CCDC186: variants seen among roughly 807,000 people sequenced by gnomAD.
The protein encoded by CCDC186 is coiled-coil domain containing 186.
CCDC186 carries 49 observed loss-of-function variants against 113.7 expected under a neutral mutation model. That is an observed-to-expected ratio of 0.43 (90% CI 0.34 to 0.55). The LOEUF is 0.55. Ranked by LOEUF, CCDC186 falls within the 20% of genes least tolerant of loss-of-function variation. CCDC186 has a pLI of 0.02. For missense variants in CCDC186, 890 were observed against 1,011.1 expected (o/e 0.88, Z 1.62); for synonymous variants, 355 against 345.8 (o/e 1.03, Z -0.30).
intron 6 of CCDC186, among the ~76,000 whole-genome samples, chr10:114,139,660 T>TA (rs1395731915): frequency 6.6e-6 from 1 of 152,124 alleles, no homozygotes; most frequent in Admixed American, 6.5e-5. Context: ...AAGTTATATA[T>TA]TTTCAGTTGC....
chr10:114,155,057 T>C (rs1228330805), intron 3 of CCDC186, among the ~76,000 whole-genome samples: 2 of 152,186 alleles, frequency 1.3e-5, no homozygotes, highest in Admixed American at 1.3e-4. Context: ...GAAAGATTAC[T>C]TGTTCCCTAG....
chr10:114,136,053 A>C (rs1431671444), intron 8 of CCDC186, 76 bp from the exon 9 acceptor site: 1 of 1,480,338 alleles, frequency 6.8e-7, no homozygotes, highest in Non-Finnish European at 9.4e-7. Flanking sequence ...TGTTCCTTCC[A>C]AAAGGCCTTA....
In CCDC186 at chr10:114,144,554, G is replaced by T. The variant is rs116220761; in HGVS notation, c.1164C>A (p.His388Gln). The change falls in exon 6 of 16, where the codon CAC becomes CAA. Residue 388 changes from histidine to glutamine, a missense_variant. Coordinates refer to ENST00000369287, the MANE Select transcript of CCDC186 (RefSeq NM_018017.4). ...TTTGTGCCCACTTTACTTTGATGAC[G>T]TGAGAGTTAATGTCTTCCTTTAATT... ...IDKLKEDINS[H>Q]VIKVKWAQNK... 2.5e-6 allele frequency: 4 copies of T among 1,612,876 alleles called. No individual in the cohort carries two copies. Among genetic ancestry groups the T allele is most frequent in the African/African-American group, 1.3e-5 (1 of 74,858 alleles).
chr10:114,148,894 G>A (rs1272246317), intron 4 of CCDC186, among the ~76,000 whole-genome samples: 1 of 152,344 alleles, frequency 6.6e-6, no homozygotes, highest in East Asian at 1.9e-4. Flanking sequence ...AAAAGCAGGT[G>A]AATGTGCGTG....
At chr10:114,126,896 C>A (rs2030922209) in intron 14 of CCDC186, among the ~76,000 whole-genome samples, 1 of 152,194 alleles carries the variant, frequency 6.6e-6, no homozygotes, top group Non-Finnish European at 1.5e-5. Flanking sequence ...CTGAGTTACT[C>A]AGAGCTGGGT....
chr10:114,168,396 G>C (rs1237153207), intron 1 of CCDC186: 1 of 152,068 alleles, frequency 6.6e-6, no homozygotes, highest in Non-Finnish European at 1.5e-5. Context: ...ACTGTCTTCT[G>C]GTTCCATTTC....
intron 4 of CCDC186, 70 bp downstream of exon 4, chr10:114,151,022 T>C (rs2031840503): frequency 6.4e-7 from 1 of 1,561,486 alleles, no homozygotes; most frequent in East Asian, 2.3e-5. Context: ...AGTCTAACAG[T>C]GTTAGCTTAT....
intron 6 of CCDC186, among the ~76,000 whole-genome samples, chr10:114,143,942 C>T (rs952183835): frequency 6.6e-6 from 1 of 151,964 alleles, no homozygotes; most frequent in Non-Finnish European, 1.5e-5. Context: ...TTTATAATTA[C>T]TTATATTAGC....
At position 114,135,909 on chromosome 10, in the gene CCDC186, T is replaced by C. The variant is rs1440580270; in HGVS notation, c.1494A>G (p.Leu498=). 1.2e-6 allele frequency: 2 copies of C among 1,612,042 alleles called. No individual in the cohort carries two copies. Among genetic ancestry groups the C allele is most frequent in the East Asian group, 4.5e-5 (2 of 44,766 alleles). ...GAATTACCTTTGTTCTCAGTGTTCTTAACTCATCCATACCCTCCTTAAATG... is the reference window on the plus strand; with the variant it reads ...GAATTACCTTTGTTCTCAGTGTTCTCAACTCATCCATACCCTCCTTAAATG... ...KRTFKEGMDE[L]RTLRTKVKCL... is the part of the protein sequence containing the mutation. Residue 498 remains leucine (L), a synonymous_variant, in exon 9 of 16, where the codon TTA becomes TTG. Transcript: ENST00000369287.
At chr10:114,166,339 G>A (rs570971023) in intron 1 of CCDC186, among the ~76,000 whole-genome samples, 1 of 152,242 alleles carries the variant, frequency 6.6e-6, no homozygotes, top group East Asian at 1.9e-4. Context: ...CAACTAGAAT[G>A]TTCTTCCCTT....
chr10:114,169,932 C>A (rs781057896), intron 1 of CCDC186, among the ~76,000 whole-genome samples: 2 of 152,160 alleles, frequency 1.3e-5, no homozygotes, highest in African/African-American at 4.8e-5. Flanking sequence ...GGGTCTCATT[C>A]TGTCATTCAG....
chr10:114,153,730 A>G (rs2031921982), intron 3 of CCDC186, among the ~76,000 whole-genome samples: 1 of 150,692 alleles, frequency 6.6e-6, no homozygotes, highest in African/African-American at 2.4e-5. Flanking sequence ...AAGTTGCAGT[A>G]AGCCAAGATC....
At chr10:114,149,619 GAAGGA>G (rs1564912726) in intron 4 of CCDC186, among the ~76,000 whole-genome samples, 1,053 of 28,380 alleles carry the variant, frequency 0.037, 70 homozygotes, top group African/African-American at 0.1. Flanking sequence ...GAAGGGAAGG[GAAGGA>G]AAGGGAGGGG....
chr10:114,169,234 CTTT>C (rs34677282), intron 1 of CCDC186, among the ~76,000 whole-genome samples: 17 of 97,506 alleles, frequency 1.7e-4, no homozygotes, highest in East Asian at 6.6e-4. Flanking sequence ...TAGTACCATT[CTTT>C]TTTTTTTTTT....
chr10:114,138,221 C>T (rs1290469324), intron 6 of CCDC186, among the ~76,000 whole-genome samples: 1 of 147,440 alleles, frequency 6.8e-6, no homozygotes, highest in Non-Finnish European at 1.5e-5. Flanking sequence ...GCCTGGGAAA[C>T]AGAGTGAGAC....
intron 1 of CCDC186, among the ~76,000 whole-genome samples, chr10:114,167,150 A>G (rs990595679): frequency 1.3e-5 from 2 of 151,384 alleles, no homozygotes; most frequent in African/African-American, 4.9e-5. Flanking sequence ...CCTCCCAAGT[A>G]GCTGGGATTA....
rs1472957677 is a variant in CCDC186, at chr10:114,163,137, T to C, written c.132A>G (p.Leu44=). The change falls in exon 2 of 16, where the codon CTA becomes CTG. Residue 44 remains leucine (L), a synonymous_variant. Coordinates refer to ENST00000369287, the MANE Select transcript of CCDC186 (RefSeq NM_018017.4). Reference sequence around the variant, plus strand: ...AAGTTTTATCAGTGTTTAATGACAATAGTTTGGACTCATTTTCTAATTTGC... The same window carrying C: ...AAGTTTTATCAGTGTTTAATGACAACAGTTTGGACTCATTTTCTAATTTGC... ...ESSKLENESK[L]LSLNTDKTLC... is the part of the protein sequence containing the mutation. 6 of 1,614,008 alleles carry C rather than the reference T, an allele frequency of 3.7e-6. No homozygotes were observed. Among genetic ancestry groups the C allele is most frequent in the Admixed American group, 3.3e-5 (2 of 60,012 alleles).
At chr10:114,162,202 A>C (rs1256565823) in intron 2 of CCDC186, 1 of 153,512 alleles carries the variant, frequency 6.5e-6, no homozygotes, top group African/African-American at 2.4e-5. Context: ...ACATATCCAA[A>C]ACTGTATTAT....
rs1400241458 is a variant in CCDC186 at position 114,125,060 on chromosome 10, G to A, written c.*83C>T. The A allele has an allele frequency of 1.6e-5, 16 of 985,958 alleles. No homozygotes were observed. The highest frequency in any genetic ancestry group is 5.8e-5 in the Admixed American group (2 of 34,614). The allele number at this position is 985,958 out of a possible 1,614,324, so 61.1% of individuals were successfully genotyped here. A position where few individuals can be genotyped will look rare whatever the true frequency, so the allele number is the denominator to read the frequency against. On this transcript the variant is annotated 3_prime_UTR_variant, in exon 16 of 16. Transcript: ENST00000369287. ...ATATTTTTACTGGCTGAAACAAAAA[G>A]TGGAACAAAGTCTCCAACAATAGAG...
Sources: allele counts gnomAD v4.1 joint callset (sites outside exome capture counted in the v4.1 genomes callset), GRCh38; gene constraint gnomAD v4.1.1; transcripts MANE v1.5; gene names NCBI Gene and HGNC (gene_info 2026-07-23, HGNC 2026-07-21).